Variants in AGR3 observed in about 807,000 individuals in gnomAD.
AGR3 encodes the protein anterior gradient 3, protein disulphide isomerase family member, also known as anterior gradient protein 3.
In AGR3, 37 loss-of-function variants were observed where a neutral mutation model predicts 24.5. The ratio of observed to expected loss-of-function variants is 1.51; its 90% CI spans 1.16 to 1.99. The LOEUF is 1.99. Among genes scored for constraint, AGR3 ranks in the 30% most tolerant of loss-of-function variants. AGR3 has a pLI of 0.00. For synonymous variants in AGR3, 75 were observed against 61.6 expected (o/e 1.22, Z -1.02); for missense variants, 228 against 191.1 (o/e 1.19, Z -1.14).
intron 2 of AGR3, among the ~76,000 whole-genome samples, chr7:16,875,469 C>T (rs948902665): frequency 3.3e-5 from 5 of 152,004 alleles, no homozygotes; most frequent in African/African-American, 1.2e-4. Context: ...AAATATTATT[C>T]CATTGTATGA....
At chr7:16,872,613 A>C (rs1292246954) in intron 3 of AGR3, among the ~76,000 whole-genome samples, 1 of 152,204 alleles carries the variant, frequency 6.6e-6, no homozygotes, top group African/African-American at 2.4e-5. Flanking sequence ...AAATGGGACT[A>C]TGTCACCTGA....
At chr7:16,868,450 C>T (rs1380730661) in intron 3 of AGR3, among the ~76,000 whole-genome samples, 1 of 152,122 alleles carries the variant, frequency 6.6e-6, no homozygotes, top group African/African-American at 2.4e-5. Context: ...CCACGGCGCC[C>T]AGCCTGTATG....
chr7:16,860,313 T>A, intron 7 of AGR3, 187 bp downstream of exon 7: 1 of 547,516 alleles, frequency 1.8e-6, no homozygotes. Flanking sequence ...TAGACATCCC[T>A]GTTAAAATAG....
intron 3 of AGR3, chr7:16,866,210 A>G: frequency 1.9e-6 from 1 of 531,406 alleles, no homozygotes; most frequent in Non-Finnish European, 3.8e-6. Flanking sequence ...CAGTAATAGT[A>G]GAGATGTCTC....
chr7:16,857,821 C>T (rs562926758), downstream of AGR3, among the ~76,000 whole-genome samples: 5 of 152,032 alleles, frequency 3.3e-5, no homozygotes, highest in Non-Finnish European at 7.4e-5. Context: ...CCAAAGGAAA[C>T]CTTTTTTTCT....
At chr7:16,864,477 A>AG (rs1781711297) in intron 3 of AGR3, 33 of 1,268,320 alleles carry the variant, frequency 2.6e-5, no homozygotes, top group Non-Finnish European at 3.6e-5. Flanking sequence ...CTCCACTGTC[A>AG]GGGTCGATCA....
chr7:16,874,480 G>C (rs1019501745), intron 2 of AGR3, among the ~76,000 whole-genome samples: 1 of 152,114 alleles, frequency 6.6e-6, no homozygotes, highest in African/African-American at 2.4e-5. Flanking sequence ...GGTATGAATA[G>C]TTGGGAATGT....
chr7:16,869,679 T>G (rs372484586), intron 3 of AGR3, among the ~76,000 whole-genome samples: 35,647 of 145,954 alleles, frequency 0.24, 4,626 homozygotes, highest in Middle Eastern at 0.34. Flanking sequence ...GTTTGTTTTT[T>G]TTTTTTTTTT....
At chr7:16,881,519 G>A (rs1259831637) in intron 1 of AGR3, among the ~76,000 whole-genome samples, 1 of 152,094 alleles carries the variant, frequency 6.6e-6, no homozygotes, top group Non-Finnish European at 1.5e-5. Context: ...AATGCATTTG[G>A]GAGGCACATA....
chr7:16,860,773 A>C (rs1413033800), intron 6 of AGR3, among the ~76,000 whole-genome samples, 190 bp from the exon 7 acceptor site: 4 of 152,148 alleles, frequency 2.6e-5, no homozygotes, highest in African/African-American at 9.7e-5. Context: ...AGTAGCCAAC[A>C]GTTAGTTTTT....
intron 3 of AGR3, among the ~76,000 whole-genome samples, chr7:16,869,669 GTTTGTTTTT>G (rs1413711149): frequency 1.8e-5 from 2 of 111,086 alleles, no homozygotes; most frequent in African/African-American, 3.3e-5. Flanking sequence ...GGGCTTGTGA[GTTTGTTTTT>G]TTTTTTTTTT....
chr7:16,857,230 A>G (rs80093291), downstream of AGR3, among the ~76,000 whole-genome samples: 1,932 of 152,296 alleles, frequency 0.013, 111 homozygotes, highest in East Asian at 0.17. Context: ...TGGAATATTT[A>G]TATGTAAAAT....
chr7:16,879,569 A>G (rs1024057593), intron 1 of AGR3, among the ~76,000 whole-genome samples: 1 of 152,254 alleles, frequency 6.6e-6, no homozygotes, highest in Non-Finnish European at 1.5e-5. Context: ...TAAAATAAAT[A>G]TACAGACATC....
intron 3 of AGR3, among the ~76,000 whole-genome samples, chr7:16,866,552 G>A (rs1174066668): frequency 6.6e-6 from 1 of 152,122 alleles, no homozygotes; most frequent in Non-Finnish European, 1.5e-5. Flanking sequence ...CTCCATAGAA[G>A]CTGTACCAAT....
chr7:16,864,150 G>A (rs986655818), intron 3 of AGR3: 1 of 592,510 alleles, frequency 1.7e-6, no homozygotes, highest in African/African-American at 1.9e-5. Context: ...CAGGAACGGA[G>A]AATTAACAAA....
At position 16,859,415 on chromosome 7, in the gene AGR3, G is replaced by C. The variant is rs950201058; in HGVS notation, c.*167C>G. On this transcript the variant is annotated 3_prime_UTR_variant, in exon 8 of 8. Transcript: ENST00000310398. ...AAATAAAACTATATTGTCAGTCTCA[G>C]ATTTAAAAAACATTTATTTTAATAA... 1.8e-6 allele frequency: 1 copy of C among 555,034 alleles called. No individual in the cohort carries two copies. Among genetic ancestry groups the C allele is most frequent in the African/African-American group, 1.9e-5 (1 of 52,644 alleles). The allele number at this position is 555,034 out of a possible 1,614,324, so 34.4% of individuals were successfully genotyped here. A position where few individuals can be genotyped will look rare whatever the true frequency, so the allele number is the denominator to read the frequency against.
intron 1 of AGR3, among the ~76,000 whole-genome samples, chr7:16,881,386 T>G (rs1208043216): frequency 6.6e-6 from 1 of 152,194 alleles, no homozygotes; most frequent in African/African-American, 2.4e-5. Flanking sequence ...TTTGAATAAA[T>G]AACGCTTTCC....
intron 3 of AGR3, among the ~76,000 whole-genome samples, chr7:16,863,641 C>A (rs1781691361): frequency 6.6e-6 from 1 of 151,686 alleles, no homozygotes; most frequent in African/African-American, 2.4e-5. Flanking sequence ...GTATGTATTT[C>A]TTTTTAAAAA....
intron 3 of AGR3, among the ~76,000 whole-genome samples, chr7:16,871,629 G>C (rs1005762407): frequency 6.6e-6 from 1 of 152,158 alleles, no homozygotes; most frequent in African/African-American, 2.4e-5. Flanking sequence ...TATCACCTGA[G>C]ATCAAGAGTT....
Sources: gnomAD v4.1 joint callset for allele counts (sites outside exome capture counted in the v4.1 genomes callset) on GRCh38, gnomAD v4.1.1 for gene constraint, MANE v1.5 for transcripts, NCBI Gene and HGNC (gene_info 2026-07-23, HGNC 2026-07-21) for gene names.